The following KAZN variants were observed in gnomAD, a reference collection of about 807,000 sequenced individuals.
KAZN encodes kazrin, periplakin interacting protein, also known as kazrin.
A neutral mutation model predicts 87.4 loss-of-function variants in KAZN; 40 were observed. That is an observed-to-expected ratio of 0.46 (90% CI 0.36 to 0.60). The LOEUF (loss-of-function observed/expected upper bound fraction) is 0.60. KAZN is among the 20% of genes least tolerant of loss of function. The probability of loss-of-function intolerance (pLI) is 0.00; values close to 1 mark genes in which losing one functional copy is unlikely to be tolerated. For synonymous variants in KAZN, 466 were observed against 458.3 expected (o/e 1.02, Z -0.22); for missense variants, 898 against 1,073.9 (o/e 0.84, Z 2.29).
chr1:14,717,425 G>A (rs1642852015), intron 1 of KAZN, among the ~76,000 whole-genome samples: 1 of 152,032 alleles, frequency 6.6e-6, no homozygotes, highest in Non-Finnish European at 1.5e-5. Context: ...ACCTCTAGAG[G>A]AGGCTCCTTC....
intron 1 of KAZN, among the ~76,000 whole-genome samples, chr1:14,888,775 A>T (rs932214217): frequency 1.3e-5 from 2 of 152,086 alleles, no homozygotes; most frequent in African/African-American, 4.8e-5. Flanking sequence ...TCTCACTCAT[A>T]CTACATTATC....
chr1:14,223,854 GT>G (rs1347122705), intron 2 of KAZN, among the ~76,000 whole-genome samples: 1 of 152,152 alleles, frequency 6.6e-6, no homozygotes, highest in Non-Finnish European at 1.5e-5. Context: ...GCAGTGGCAT[GT>G]TTGTTACAGA....
chr1:14,900,309 G>A (rs1557601848), intron 1 of KAZN, among the ~76,000 whole-genome samples: 2 of 152,148 alleles, frequency 1.3e-5, no homozygotes, highest in South Asian at 2.1e-4. Context: ...TCAGATGCTT[G>A]CCAAGAGAGG....
At chr1:14,319,036 T>G (rs1268773393) in intron 2 of KAZN, among the ~76,000 whole-genome samples, 2 of 148,982 alleles carry the variant, frequency 1.3e-5, no homozygotes, top group Non-Finnish European at 3.0e-5. Flanking sequence ...ATTTATTTAT[T>G]TATTTATTTA....
At chr1:14,235,799 G>A (rs868621125) in intron 2 of KAZN, among the ~76,000 whole-genome samples, 1 of 152,170 alleles carries the variant, frequency 6.6e-6, no homozygotes, top group African/African-American at 2.4e-5. Context: ...TGATGCGAAT[G>A]ACAAGAGTCC....
chr1:14,557,665 TGGTGTGTGA>T (rs1673989911), intron 2 of KAZN, among the ~76,000 whole-genome samples: 3 of 122,766 alleles, frequency 2.4e-5, no homozygotes, highest in African/African-American at 3.6e-5. Context: ...TGTGTGTGTG[TGGTGTGTGA>T]GAGAGAGAGA....
chr1:13,965,032 A>G (rs1358826493), intron 1 of KAZN, among the ~76,000 whole-genome samples: 2 of 152,080 alleles, frequency 1.3e-5, no homozygotes, highest in Non-Finnish European at 2.9e-5. Context: ...GGGGCATTCC[A>G]GACACAGCAG....
chr1:14,663,739 G>T (rs1390713612), intron 1 of KAZN, among the ~76,000 whole-genome samples: 1 of 152,224 alleles, frequency 6.6e-6, no homozygotes, highest in Non-Finnish European at 1.5e-5. Context: ...TGATGCAGTT[G>T]TTACCAATGA....
Position 15,101,713 on chromosome 1 carries a change from TC to T in KAZN, c.1720del (p.His574ThrfsTer15). On this transcript the variant is annotated frameshift_variant, in exon 11 of 15. Transcript: ENST00000376030. LOFTEE classifies it high-confidence loss of function. The stretch of plus-strand genomic sequence containing the variant: ...AAGCACCTGAACGTGTCCAAGAAGT[TC>T]CACCAGGTCAGCATCCTGCTGGGGA... ...LEKHLNVSKKFHQVSILLGIE... is the reference protein window; with the variant it reads ...LEKHLNVSKKXHQVSILLGIE... 6.3e-7 allele frequency: 1 copy of T among 1,595,496 alleles called. No homozygotes were observed. The highest frequency in any genetic ancestry group is 1.3e-5 in the African/African-American group (1 of 74,658).
At chr1:14,670,115 C>T (rs1448906553) in intron 1 of KAZN, among the ~76,000 whole-genome samples, 1 of 152,062 alleles carries the variant, frequency 6.6e-6, no homozygotes, top group Non-Finnish European at 1.5e-5. Context: ...CCAGCCCTCC[C>T]CTCCCCTTTT....
At chr1:14,706,051 T>C (rs1376179287) in intron 1 of KAZN, among the ~76,000 whole-genome samples, 1 of 152,042 alleles carries the variant, frequency 6.6e-6, no homozygotes, top group African/African-American at 2.4e-5. Context: ...ATCAGCAGCA[T>C]TCGATTTGCA....
chr1:14,531,833 G>A (rs959330094), intron 2 of KAZN, among the ~76,000 whole-genome samples: 3 of 152,072 alleles, frequency 2.0e-5, no homozygotes, highest in African/African-American at 4.8e-5. Context: ...ATGTTTCCAC[G>A]TATATTTTTT....
At chr1:14,798,726 G>A (rs919232424) in intron 1 of KAZN, among the ~76,000 whole-genome samples, 6 of 150,594 alleles carry the variant, frequency 4.0e-5, no homozygotes, top group Admixed American at 6.6e-5. Context: ...GAGCCACCAC[G>A]CCCGGCCCAC....
intron 2 of KAZN, among the ~76,000 whole-genome samples, chr1:14,587,647 C>T (rs184666867): frequency 2.8e-4 from 43 of 151,698 alleles, no homozygotes; most frequent in Admixed American, 2.5e-3. Context: ...GCCGTACTCC[C>T]GGAAACAACC....
At chr1:15,047,727 C>A (rs1468112134) in intron 4 of KAZN, among the ~76,000 whole-genome samples, 1 of 152,066 alleles carries the variant, frequency 6.6e-6, no homozygotes, top group Non-Finnish European at 1.5e-5. Context: ...GCCAAAATCG[C>A]ACCACTGCAC....
At chr1:14,196,470 G>A (rs777539040) in intron 2 of KAZN, among the ~76,000 whole-genome samples, 14 of 152,060 alleles carry the variant, frequency 9.2e-5, no homozygotes, top group Admixed American at 7.9e-4. Context: ...TTTAGATGAT[G>A]CCAAGAAATT....
intron 1 of KAZN, among the ~76,000 whole-genome samples, chr1:14,752,151 A>G (rs1331906222): frequency 6.6e-6 from 1 of 152,166 alleles, no homozygotes; most frequent in Non-Finnish European, 1.5e-5. Flanking sequence ...GAACTAACAG[A>G]GTGAGAATTA....
chr1:15,019,594 G>T (rs191709032), intron 2 of KAZN, among the ~76,000 whole-genome samples: 2 of 152,190 alleles, frequency 1.3e-5, no homozygotes, highest in African/African-American at 4.8e-5. Context: ...TCGCCATGTT[G>T]GCCAGGCTGG....
intron 2 of KAZN, among the ~76,000 whole-genome samples, chr1:14,322,822 C>G (rs1326150559): frequency 6.6e-6 from 1 of 152,096 alleles, no homozygotes; most frequent in Non-Finnish European, 1.5e-5. Context: ...ATAGCAAAAT[C>G]CCACATGTAT....
Sources: allele counts gnomAD v4.1 joint callset (sites outside exome capture counted in the v4.1 genomes callset), GRCh38; gene constraint gnomAD v4.1.1; transcripts MANE v1.5; gene names NCBI Gene and HGNC (gene_info 2026-07-23, HGNC 2026-07-21).